Variants in DPP10 observed in about 807,000 individuals in gnomAD.
The protein encoded by DPP10 is dipeptidyl peptidase like 10.
A neutral mutation model predicts 120.9 loss-of-function variants in DPP10; 33 were observed. The observed-to-expected ratio is 0.27, with a 90% confidence interval of 0.21 to 0.37. The LOEUF (loss-of-function observed/expected upper bound fraction) is 0.37. Among genes scored for constraint, DPP10 ranks in the 10% least tolerant of loss-of-function variants. The pLI, the probability that DPP10 is intolerant of heterozygous loss-of-function variation, is 1.00. For synonymous variants in DPP10, 337 were observed against 326.1 expected (o/e 1.03, Z -0.36); for missense variants, 816 against 942.8 (o/e 0.87, Z 1.76).
chr2:114,842,971 C>T (rs1316798050), intron 1 of DPP10, among the ~76,000 whole-genome samples: 1 of 151,968 alleles, frequency 6.6e-6, no homozygotes, highest in African/African-American at 2.4e-5. Flanking sequence ...CATCAGAGCC[C>T]ATAAAAAGTG....
intron 8 of DPP10, among the ~76,000 whole-genome samples, chr2:115,734,434 T>C (rs1472783596): frequency 5.3e-5 from 8 of 151,908 alleles, no homozygotes; most frequent in Non-Finnish European, 1.2e-4. Context: ...GGTGGGCGGA[T>C]CAACTGAAGT....
intron 3 of DPP10, among the ~76,000 whole-genome samples, chr2:115,423,861 T>G (rs1356109397): frequency 2.0e-5 from 3 of 152,168 alleles, no homozygotes; most frequent in Non-Finnish European, 2.9e-5. Context: ...TTTTTTTCTA[T>G]TCTTAACTTT....
chr2:115,442,829 G>C (rs2072202919), intron 3 of DPP10, among the ~76,000 whole-genome samples: 1 of 152,098 alleles, frequency 6.6e-6, no homozygotes, highest in African/African-American at 2.4e-5. Context: ...ACACTTGCCG[G>C]AATAATTAAT....
intron 3 of DPP10, among the ~76,000 whole-genome samples, chr2:115,484,635 A>G (rs1165759707): frequency 6.6e-6 from 1 of 152,056 alleles, no homozygotes; most frequent in Non-Finnish European, 1.5e-5. Context: ...TTGATCATGA[A>G]GAGAAAGCTT....
intron 1 of DPP10, among the ~76,000 whole-genome samples, chr2:114,627,289 G>T (rs537184840): frequency 2.6e-5 from 4 of 152,090 alleles, no homozygotes; most frequent in Non-Finnish European, 5.9e-5. Flanking sequence ...ACCTGAAGTT[G>T]TCCTCTGTGA....
At chr2:115,727,635 C>A (rs1402074478) in intron 7 of DPP10, among the ~76,000 whole-genome samples, 181 bp from the exon 8 acceptor site, 2 of 151,698 alleles carry the variant, frequency 1.3e-5, no homozygotes, top group African/African-American at 4.8e-5. Flanking sequence ...GATATTGATA[C>A]AATAAAACAG....
At chr2:115,458,923 C>T (rs779797912) in intron 3 of DPP10, among the ~76,000 whole-genome samples, 18 of 152,092 alleles carry the variant, frequency 1.2e-4, no homozygotes, top group Non-Finnish European at 1.9e-4. Flanking sequence ...CATTTAATCA[C>T]AAGGAATATT....
rs190388440 is a variant in DPP10 at position 115,726,184 on chromosome 2, G to C, written c.577-1632G>C. ...CTACCACTATTGCTGCTACTGTTCT[G>C]CTCCTACTCCTAATACATATTTAAC... On this transcript the variant is annotated intron_variant, in intron 7 of 25. Transcript: ENST00000410059. Among the ~76,000 whole-genome samples the C allele has an allele frequency of 6.5e-3, 989 of 152,160 alleles. 3 individuals are homozygous for C. The highest frequency in any genetic ancestry group is 0.011 in the Non-Finnish European group (722 of 67,994).
intron 1 of DPP10, among the ~76,000 whole-genome samples, chr2:114,705,877 T>G (rs1398998861): frequency 6.6e-6 from 1 of 152,200 alleles, no homozygotes; most frequent in East Asian, 1.9e-4. Context: ...ATTCCTTATC[T>G]ATATTATTTG....
intron 1 of DPP10, among the ~76,000 whole-genome samples, chr2:114,662,448 G>A (rs1335593861): frequency 6.6e-6 from 1 of 152,202 alleles, no homozygotes; most frequent in African/African-American, 2.4e-5. Context: ...CGGGACGCCT[G>A]CTGCTTGGAC....
chr2:114,585,588 A>G (rs2105117189), intron 1 of DPP10, among the ~76,000 whole-genome samples: 1 of 152,296 alleles, frequency 6.6e-6, no homozygotes, highest in South Asian at 2.1e-4. Context: ...TCTGCCTATC[A>G]CTGAGCTACA....
At chr2:114,449,538 C>A (rs1036481938) in intron 1 of DPP10, among the ~76,000 whole-genome samples, 1 of 151,412 alleles carries the variant, frequency 6.6e-6, no homozygotes, top group Non-Finnish European at 1.5e-5. Context: ...CTACTACCTG[C>A]AAACGGATAT....
At chr2:115,621,750 G>T (rs1377434966) in intron 5 of DPP10, among the ~76,000 whole-genome samples, 1 of 152,138 alleles carries the variant, frequency 6.6e-6, no homozygotes, top group Non-Finnish European at 1.5e-5. Flanking sequence ...TGCGATCTCG[G>T]CTCACTGCAA....
chr2:115,226,112 A>G (rs1024075089), intron 1 of DPP10, among the ~76,000 whole-genome samples: 7 of 152,124 alleles, frequency 4.6e-5, no homozygotes, highest in Admixed American at 1.3e-4. Context: ...AATGCTTGTC[A>G]CTTAGAATGC....
At chr2:115,473,655 A>G (rs1470614854) in intron 3 of DPP10, among the ~76,000 whole-genome samples, 1 of 152,216 alleles carries the variant, frequency 6.6e-6, no homozygotes, top group African/African-American at 2.4e-5. Context: ...GAGAATATGT[A>G]GGAGCATAAA....
At chr2:114,778,415 G>A (rs1681959560) in intron 1 of DPP10, among the ~76,000 whole-genome samples, 1 of 152,004 alleles carries the variant, frequency 6.6e-6, no homozygotes, top group Non-Finnish European at 1.5e-5. Context: ...TAGCCACAGT[G>A]GCTAATTTCT....
intron 1 of DPP10, among the ~76,000 whole-genome samples, chr2:114,831,333 A>G (rs1190091037): frequency 6.6e-6 from 1 of 152,278 alleles, no homozygotes; most frequent in East Asian, 1.9e-4. Context: ...GGAATGGGAA[A>G]TGGGTCAACT....
chr2:115,707,466 T>A (rs868137481), intron 7 of DPP10, among the ~76,000 whole-genome samples: 6 of 138,612 alleles, frequency 4.3e-5, no homozygotes, highest in South Asian at 4.5e-4. Context: ...ACACACACTC[T>A]CTCCACATTT....
intron 1 of DPP10, among the ~76,000 whole-genome samples, chr2:114,564,293 T>C (rs1285950989): frequency 6.6e-6 from 1 of 152,140 alleles, no homozygotes; most frequent in African/African-American, 2.4e-5. Context: ...AAGGCTAAGT[T>C]GCTATATATG....
Sources: gnomAD v4.1 joint callset for allele counts (sites outside exome capture counted in the v4.1 genomes callset) on GRCh38, gnomAD v4.1.1 for gene constraint, MANE v1.5 for transcripts, NCBI Gene and HGNC (gene_info 2026-07-23, HGNC 2026-07-21) for gene names.